PCDH9: variants seen among roughly 807,000 people sequenced by gnomAD.
PCDH9 encodes the protein protocadherin 9.
Under a neutral mutation model 70.6 loss-of-function variants are expected in PCDH9, and 24 were observed. The ratio of observed to expected loss-of-function variants is 0.34; its 90% CI spans 0.25 to 0.48. The LOEUF is 0.48. PCDH9 is among the 20% of genes least tolerant of loss of function. PCDH9 has a pLI of 0.99. For synonymous variants in PCDH9, 562 were observed against 558.5 expected (o/e 1.01, Z -0.09); for missense variants, 1,281 against 1,503.6 (o/e 0.85, Z 2.45).
intron 2 of PCDH9, among the ~76,000 whole-genome samples, chr13:67,071,372 G>A (rs1477479940): frequency 6.6e-6 from 1 of 152,030 alleles, no homozygotes; most frequent in Non-Finnish European, 1.5e-5. Context: ...TCTGAAATTG[G>A]CAAAATTTAA....
intron 2 of PCDH9, among the ~76,000 whole-genome samples, chr13:67,125,932 A>C (rs572423686): frequency 1.3e-5 from 2 of 151,982 alleles, no homozygotes; most frequent in South Asian, 4.2e-4. Flanking sequence ...TGTACCCTTC[A>C]CTGTTTTAAT....
In PCDH9 at chr13:67,226,678, T is replaced by C. The variant is rs561156017; in HGVS notation, c.1763A>G (p.Tyr588Cys). The C allele has an allele frequency of 2.5e-4, 404 of 1,614,026 alleles. 2 individuals carry two copies. The South Asian group carries it at 4.1e-3, about 17-fold the overall frequency. ...QFFVSENLPK[Y>C]STVGVITVTD... is the part of the protein sequence containing the mutation. ...CACTGTGATTACCCCCACAGTACTA[T>C]ACTTTGGCAGATTCTCAGACACAAA... The change falls in exon 2 of 5, where the codon TAT (tyrosine) becomes TGT (cysteine). Residue 588 changes from tyrosine (Y) to cysteine (C), a missense_variant. This residue lies in a region of PCDH9 where 798 missense variants were observed against 1,003.1 expected (regional missense o/e 0.80). Coordinates refer to ENST00000377865, the MANE Select transcript of PCDH9 (RefSeq NM_203487.3). The surrounding 1 kb of genome is among the most constrained non-coding windows in gnomAD (Gnocchi z 5.0).
intron 3 of PCDH9, among the ~76,000 whole-genome samples, chr13:66,892,969 T>G (rs1046087988): frequency 2.0e-5 from 3 of 152,106 alleles, no homozygotes; most frequent in African/African-American, 7.2e-5. Context: ...GAATCTTGAT[T>G]ATAATATTAG....
intron 3 of PCDH9, among the ~76,000 whole-genome samples, chr13:66,663,155 T>C (rs2139021206): frequency 6.6e-6 from 1 of 152,356 alleles, no homozygotes; most frequent in South Asian, 2.1e-4. Context: ...GGTTGTGGAC[T>C]TAATGATACT....
intron 3 of PCDH9, among the ~76,000 whole-genome samples, chr13:66,860,186 T>C (rs1484785606): frequency 6.6e-6 from 1 of 152,190 alleles, no homozygotes; most frequent in Admixed American, 6.5e-5. Flanking sequence ...GGCGTCTGTT[T>C]TTGGCTAGGG....
At chr13:66,766,629 A>T (rs2079722232) in intron 3 of PCDH9, among the ~76,000 whole-genome samples, 1 of 151,876 alleles carries the variant, frequency 6.6e-6, no homozygotes, top group South Asian at 2.1e-4. Flanking sequence ...AAAAAAATGT[A>T]GAGTTGGGAA....
At chr13:66,605,031 G>C (rs1008194633) in intron 4 of PCDH9, among the ~76,000 whole-genome samples, 8 of 151,970 alleles carry the variant, frequency 5.3e-5, no homozygotes, top group Admixed American at 1.3e-4. Context: ...AAACTCTAAA[G>C]TATATTTTAA....
intron 2 of PCDH9, among the ~76,000 whole-genome samples, chr13:67,174,964 A>AC (rs2088409707): frequency 1.8e-4 from 1 of 5,590 alleles, no homozygotes; most frequent in African/African-American, 3.9e-4. Context: ...CATCTCTACC[A>AC]AAAAAAAAAA....
intron 4 of PCDH9, among the ~76,000 whole-genome samples, chr13:66,601,156 G>T (rs1297792783): frequency 6.9e-6 from 1 of 145,490 alleles, no homozygotes; most frequent in Non-Finnish European, 1.5e-5. Flanking sequence ...CTATTCTTTA[G>T]ACTATAGCTA....
At chr13:67,004,700 CTTTTTTCACTTGGGAAAATGTGTGAG>C in intron 2 of PCDH9, among the ~76,000 whole-genome samples, 1 of 152,098 alleles carries the variant, frequency 6.6e-6, no homozygotes, top group Admixed American at 6.5e-5. Context: ...TGGAATCCAG[CTTTTTTCACTTGGGAAAATGTGTGAG>C]TTTGGAAATG....
chr13:67,123,994 A>G (rs1439588699), intron 2 of PCDH9, among the ~76,000 whole-genome samples: 4 of 152,130 alleles, frequency 2.6e-5, no homozygotes, highest in African/African-American at 9.7e-5. Flanking sequence ...AAGAATAACA[A>G]AAATGCTTGC....
At chr13:66,345,366 T>A (rs572303161) in intron 4 of PCDH9, among the ~76,000 whole-genome samples, 16 of 152,252 alleles carry the variant, frequency 1.1e-4, no homozygotes, top group African/African-American at 3.9e-4. Flanking sequence ...TGAGCTATAA[T>A]GAGGTAATTT....
intron 3 of PCDH9, among the ~76,000 whole-genome samples, chr13:66,721,878 A>C (rs924449823): frequency 6.6e-6 from 1 of 152,114 alleles, no homozygotes. Flanking sequence ...AAGTACTAGA[A>C]ATTCCTCATA....
At chr13:66,621,630 C>T (rs928994861) in intron 4 of PCDH9, among the ~76,000 whole-genome samples, 3 of 152,176 alleles carry the variant, frequency 2.0e-5, no homozygotes, top group Admixed American at 6.5e-5. Context: ...GTATAAAACA[C>T]TGTTATACAG....
At chr13:66,986,339 G>C (rs538484234) in intron 2 of PCDH9, among the ~76,000 whole-genome samples, 5 of 152,020 alleles carry the variant, frequency 3.3e-5, no homozygotes, top group African/African-American at 1.2e-4. Flanking sequence ...GATTTGGGTG[G>C]GGACACAGGC....
intron 2 of PCDH9, among the ~76,000 whole-genome samples, chr13:67,199,715 G>A (rs1020319102): frequency 3.2e-4 from 48 of 152,132 alleles, no homozygotes; most frequent in Non-Finnish European, 5.6e-4. Flanking sequence ...TTTGTTATAG[G>A]AAACATTTGT....
At chr13:66,512,284 A>T (rs548778883) in intron 4 of PCDH9, among the ~76,000 whole-genome samples, 98 of 89,054 alleles carry the variant, frequency 1.1e-3, no homozygotes, top group Admixed American at 6.3e-3. Flanking sequence ...CTTAGGAATT[A>T]TATATATATA....
At position 66,304,560 on chromosome 13, in the gene PCDH9, G is replaced by A; in HGVS notation, c.*95C>T. ...AGTTATAGGTATCCCTGCTAGAAGGGGCATAGTTGTAGAGATCTATTGAAT... is the reference window on the plus strand; with the variant it reads ...AGTTATAGGTATCCCTGCTAGAAGGAGCATAGTTGTAGAGATCTATTGAAT... On this transcript the variant is annotated 3_prime_UTR_variant, in exon 5 of 5. Transcript: ENST00000377865. 1 of 941,726 alleles carries A rather than the reference G, an allele frequency of 1.1e-6. No homozygotes were observed. The highest frequency in any genetic ancestry group is 1.6e-6 in the Non-Finnish European group (1 of 607,786). 58.3% of individuals were successfully genotyped at this position (941,726 alleles called of 1,614,324 possible).
intron 3 of PCDH9, among the ~76,000 whole-genome samples, chr13:66,895,481 C>T (rs1209483061): frequency 2.0e-5 from 3 of 152,148 alleles, no homozygotes; most frequent in African/African-American, 4.8e-5. Context: ...TTTTTAGCAT[C>T]GCAATATATT....
Sources: allele counts gnomAD v4.1 joint callset (sites outside exome capture counted in the v4.1 genomes callset), GRCh38; gene constraint gnomAD v4.1.1; regional missense constraint gnomAD v4.1.1; non-coding constraint Gnocchi (gnomAD v3.1); transcripts MANE v1.5; gene names NCBI Gene and HGNC (gene_info 2026-07-23, HGNC 2026-07-21).